The following RAD52 variants were observed in gnomAD, a reference collection of about 807,000 sequenced individuals.
RAD52 encodes the protein RAD52 DNA repair protein, also known as DNA repair protein RAD52 homolog.
RAD52 carries 47 observed loss-of-function variants against 55.5 expected under a neutral mutation model. That is an observed-to-expected ratio of 0.85 (90% CI 0.67 to 1.08). The LOEUF (loss-of-function observed/expected upper bound fraction) is 1.08. RAD52 is among the 50% of genes least tolerant of loss of function. The probability of loss-of-function intolerance (pLI) is 0.00; values close to 1 mark genes in which losing one functional copy is unlikely to be tolerated. For synonymous variants in RAD52, 184 were observed against 198.9 expected, an observed-to-expected ratio of 0.92 and a Z score of 0.63; for missense variants, 468 against 522.8, an observed-to-expected ratio of 0.90 and a Z score of 1.02.
In RAD52 at chr12:912,090, A is replaced by G; in HGVS notation, c.*1301T>C. 1 of 200,580 alleles carries G rather than the reference A, an allele frequency of 5.0e-6. No homozygotes were observed. The highest frequency in any genetic ancestry group is 1.0e-5 in the Non-Finnish European group (1 of 97,270). 12.4% of individuals were successfully genotyped at this position (200,580 alleles called of 1,614,324 possible). ...GGGAAGAATTATGAAACATCTGAGCACTATGAAAAGCCAATTTATGGTCAA... is the reference window on the plus strand; with the variant it reads ...GGGAAGAATTATGAAACATCTGAGCGCTATGAAAAGCCAATTTATGGTCAA... On this transcript the variant is annotated 3_prime_UTR_variant, in exon 12 of 12. Transcript: ENST00000358495.
intron 1 of RAD52, among the ~76,000 whole-genome samples, chr12:973,760 T>C (rs1250163884): frequency 1.3e-5 from 2 of 149,544 alleles, no homozygotes; most frequent in Non-Finnish European, 3.0e-5. Flanking sequence ...ATTACAGGCA[T>C]GAGCCACCAC....
intron 1 of RAD52, among the ~76,000 whole-genome samples, chr12:980,266 G>T (rs73031304): frequency 0.028 from 4,278 of 151,212 alleles, 102 homozygotes; most frequent in South Asian, 0.11. Flanking sequence ...TATGTGATTT[G>T]CAAAATGTCT....
chr12:945,675 A>G (rs1958180155), intron 1 of RAD52, among the ~76,000 whole-genome samples: 1 of 147,220 alleles, frequency 6.8e-6, no homozygotes, highest in Admixed American at 6.8e-5. Flanking sequence ...ACCTCAGGTG[A>G]TCTGCCCACC....
At chr12:919,530 A>G (rs1185503231) in intron 7 of RAD52, among the ~76,000 whole-genome samples, 2 of 152,104 alleles carry the variant, frequency 1.3e-5, no homozygotes, top group Admixed American at 1.3e-4. Context: ...TGGATTGATC[A>G]CTTGAGCCCA....
chr12:946,643 C>A (rs7295127), intron 1 of RAD52, among the ~76,000 whole-genome samples: 149,809 of 152,324 alleles, frequency 0.98, 73,710 homozygotes, highest in East Asian at 1. Flanking sequence ...CTTGGAGGCC[C>A]CTATAAACAG....
rs1236455958 is a variant in RAD52 at position 930,033 on chromosome 12, G to T, written c.280+18C>A. The T allele has an allele frequency of 6.2e-7, 1 of 1,609,146 alleles. No individual in the cohort carries two copies. The highest frequency in any genetic ancestry group is 8.5e-7 in the Non-Finnish European group (1 of 1,175,434). On this transcript the variant is annotated intron_variant, in intron 4 of 11. Coordinates refer to ENST00000358495, the MANE Select transcript of RAD52 (RefSeq NM_134424.4). ...GCTGGACAGTGCAGAAGTCCCCACT[G>T]CTGGAGAGCATACTCACCCACATTC...
intron 1 of RAD52, among the ~76,000 whole-genome samples, chr12:972,891 A>G (rs1254737588): frequency 6.6e-6 from 1 of 152,084 alleles, no homozygotes; most frequent in East Asian, 1.9e-4. Flanking sequence ...AGATGAGGTC[A>G]AAGAGTCAAT....
chr12:961,685 ACT>A (rs1430042738), intron 1 of RAD52, among the ~76,000 whole-genome samples: 2 of 151,764 alleles, frequency 1.3e-5, no homozygotes, highest in African/African-American at 2.4e-5. Context: ...ACATAGCGAA[ACT>A]CTGTCTTTAC....
At chr12:959,074 A>G (rs1345234661) in intron 1 of RAD52, among the ~76,000 whole-genome samples, 1 of 152,200 alleles carries the variant, frequency 6.6e-6, no homozygotes, top group Non-Finnish European at 1.5e-5. Context: ...ATACTTTCAC[A>G]GGAGAGTTCT....
At position 937,645 on chromosome 12, in the gene RAD52, C is replaced by T. The variant is rs549743446; in HGVS notation, c.-18-4569G>A. ...TTCGTCATGTTGGCCAGGCTGCTCT[C>T]GAACTTCTGACCTCAGGTGATCCGC... On this transcript the variant is annotated intron_variant, in intron 1 of 11. Transcript: ENST00000358495. Among the ~76,000 whole-genome samples, 115 of 152,174 alleles carry T rather than the reference C, an allele frequency of 7.6e-4. 2 individuals are homozygous for T. Among genetic ancestry groups the T allele is most frequent in the Middle Eastern group, 3.4e-3 (1 of 294 alleles).
chr12:953,738 A>C (rs1344132127), upstream of RAD52, among the ~76,000 whole-genome samples: 1 of 152,188 alleles, frequency 6.6e-6, no homozygotes, highest in Non-Finnish European at 1.5e-5. Flanking sequence ...GTGATTTCTA[A>C]TCCATCGTGC....
At chr12:970,890 CATATATTTTGAACCAAATAT>C (rs1958839765) in intron 1 of RAD52, among the ~76,000 whole-genome samples, 1 of 135,896 alleles carries the variant, frequency 7.4e-6, no homozygotes, top group African/African-American at 3.8e-5. Context: ...GAACCAAATA[CATATATTTTGAACCAAATAT>C]ATACGTAGAG....
rs1173392908 is a variant in RAD52 at position 969,353 on chromosome 12, AATTTTAT to A, written c.-19+20449_-19+20455del. Among the ~76,000 whole-genome samples, 4 of 152,164 alleles carry A rather than the reference AATTTTAT, an allele frequency of 2.6e-5. No individual in the cohort carries two copies. In the East Asian group the frequency reaches 7.7e-4, roughly 29 times the overall value. ...TCATACCAAAAGTATAATAGTCAAT[AATTTTAT>A]TTAGATGAGACTTTGGTGGGGCTGC... is the stretch of plus-strand genomic sequence containing the variant. On this transcript the variant is annotated intron_variant, in intron 1 of 11. Coordinates refer to the RAD52 transcript ENST00000430095.
chr12:931,345 A>G, intron 2 of RAD52, 24 bp from the exon 3 acceptor site: 2 of 1,513,726 alleles, frequency 1.3e-6, no homozygotes, highest in Non-Finnish European at 1.8e-6. Context: ...AAAGAAAATT[A>G]AATTCACACT....
chr12:961,415 C>T (rs1218186307), intron 1 of RAD52, among the ~76,000 whole-genome samples: 1 of 151,812 alleles, frequency 6.6e-6, no homozygotes, highest in Non-Finnish European at 1.5e-5. Context: ...GTGTTGAACC[C>T]CTAATGTCCA....
At chr12:960,498 T>C (rs1456103703) in intron 1 of RAD52, among the ~76,000 whole-genome samples, 1 of 152,188 alleles carries the variant, frequency 6.6e-6, no homozygotes, top group East Asian at 1.9e-4. Flanking sequence ...TGTTTGCTTG[T>C]TCTGACACCC....
At chr12:925,102 C>T (rs972223924) in intron 7 of RAD52, among the ~76,000 whole-genome samples, 19 of 152,008 alleles carry the variant, frequency 1.2e-4, no homozygotes, top group Admixed American at 7.9e-4. Context: ...AGGCGCCCAC[C>T]ACCTCGCCCG....
rs1301580749 is a variant in RAD52, at chr12:987,009, T to C, written c.-19+2800A>G. Among the ~76,000 whole-genome samples the C allele has an allele frequency of 3.3e-5, 5 of 152,276 alleles. No individual in the cohort carries two copies. The East Asian group carries it at 9.6e-4, about 29-fold the overall frequency. ...TTTTTTGAGATGGAGTTTTGCTCAC[T>C]GCCCAGGCTGGAGCGCAATGGCACA... On this transcript the variant is annotated intron_variant, in intron 1 of 11. Transcript: ENST00000430095.
At chr12:987,910 A>G (rs1187315043) in intron 1 of RAD52, among the ~76,000 whole-genome samples, 1 of 151,932 alleles carries the variant, frequency 6.6e-6, no homozygotes, top group Non-Finnish European at 1.5e-5. Flanking sequence ...TCTGTCACCC[A>G]GACTGGGGTG....
Sources: allele counts gnomAD v4.1 joint callset (sites outside exome capture counted in the v4.1 genomes callset), GRCh38; gene constraint gnomAD v4.1.1; transcripts MANE v1.5; gene names NCBI Gene and HGNC (gene_info 2026-07-23, HGNC 2026-07-21).